Variants in RERE observed in about 807,000 individuals in gnomAD.
RERE encodes arginine-glutamic acid dipeptide repeats.
A neutral mutation model predicts 146.1 loss-of-function variants in RERE; 40 were observed. The observed-to-expected ratio is 0.27, with a 90% CI of 0.21 to 0.36. The LOEUF is 0.36. Ranked by LOEUF, RERE falls within the 10% of genes least tolerant of loss-of-function variation. RERE has a pLI of 1.00. For synonymous variants in RERE, 1,003 were observed against 866.0 expected, an observed-to-expected ratio of 1.16 and a Z score of -2.78; for missense variants, 1,933 against 2,138.7, an observed-to-expected ratio of 0.90 and a Z score of 1.90.
intron 1 of RERE, among the ~76,000 whole-genome samples, chr1:8,754,252 TACTG>T (rs1289989741): frequency 6.6e-6 from 1 of 151,734 alleles, no homozygotes. Flanking sequence ...GCATCGACAG[TACTG>T]ACTGAATATT....
chr1:8,495,053 A>G lies in RERE; in HGVS notation c.1104+10T>C, dbSNP rs763397971. The G allele has an allele frequency of 1.9e-6, 3 of 1,602,036 alleles. No individual in the cohort carries two copies. The highest frequency in any genetic ancestry group is 1.3e-5 in the African/African-American group (1 of 74,794). On this transcript the variant is annotated intron_variant, in intron 10 of 22. Coordinates refer to ENST00000400908, the MANE Select transcript of RERE (RefSeq NM_001042681.2). ...TGTCTTCCCACTCAGGGTGACTTCA[A>G]AAGACTTACTGTGTTCAGTGCATTC...
chr1:8,359,795 C>A lies in RERE; in HGVS notation c.3587G>T (p.Arg1196Leu), dbSNP rs1408948503. The part of the protein sequence containing the change: ...KEKEKERERE[R>L]EREREAERAA... ...CCGCTCTGCCTCGCGCTCCCGCTCT[C>A]GCTCCCGCTCCCGCTCCTTCTCCTT... The change falls in exon 19 of 23, where the codon CGA becomes CTA. Residue 1196 changes from arginine (R) to leucine (L), a missense_variant. Coordinates refer to ENST00000400908, the MANE Select transcript of RERE (RefSeq NM_001042681.2). 1 of 1,599,284 alleles carries A rather than the reference C, an allele frequency of 6.3e-7. No homozygotes were observed. The highest frequency in any genetic ancestry group is 8.5e-7 in the Non-Finnish European group (1 of 1,176,944).
chr1:8,392,565 A>G (rs1642918249), intron 12 of RERE, among the ~76,000 whole-genome samples: 1 of 152,074 alleles, frequency 6.6e-6, no homozygotes. Flanking sequence ...ATAAACACCC[A>G]CTTTGAACAC....
intron 1 of RERE, among the ~76,000 whole-genome samples, chr1:8,697,826 AT>A (rs1357112380): frequency 6.6e-6 from 1 of 152,180 alleles, no homozygotes; most frequent in East Asian, 1.9e-4. Context: ...AAGACTTAAA[AT>A]TTTGAGTCCT....
chr1:8,404,709 C>T (rs1353926806), intron 12 of RERE, among the ~76,000 whole-genome samples: 1 of 152,178 alleles, frequency 6.6e-6, no homozygotes, highest in African/African-American at 2.4e-5. Context: ...CAATCAAAAA[C>T]CATAGTAAAA....
intron 1 of RERE, among the ~76,000 whole-genome samples, chr1:8,781,454 G>A (rs1036342865): frequency 1.3e-5 from 2 of 151,824 alleles, no homozygotes; most frequent in Non-Finnish European, 2.9e-5. Flanking sequence ...AGCCTGGGAA[G>A]TCAAGGCTGC....
chr1:8,469,363 A>G (rs1461940478), intron 10 of RERE, among the ~76,000 whole-genome samples: 4 of 152,230 alleles, frequency 2.6e-5, no homozygotes, highest in Admixed American at 1.3e-4. Context: ...TCACGCCTGT[A>G]ATCCCAGCAC....
intron 4 of RERE, among the ~76,000 whole-genome samples, chr1:8,607,716 C>T (rs567648219): frequency 2.3e-5 from 3 of 129,492 alleles, no homozygotes; most frequent in South Asian, 2.4e-4. Context: ...CACACAACAC[C>T]ATATCTGGCT....
chr1:8,531,195 A>G (rs1645648349), intron 7 of RERE, among the ~76,000 whole-genome samples: 1 of 152,096 alleles, frequency 6.6e-6, no homozygotes, highest in Non-Finnish European at 1.5e-5. Flanking sequence ...GGGCTCACAA[A>G]TATAATGAGA....
chr1:8,477,402 G>A (rs1274002299), intron 10 of RERE, among the ~76,000 whole-genome samples: 1 of 152,196 alleles, frequency 6.6e-6, no homozygotes, highest in African/African-American at 2.4e-5. Context: ...TTTGTCAGCT[G>A]AGAAAGACCT....
intron 4 of RERE, among the ~76,000 whole-genome samples, chr1:8,610,514 G>A (rs769042015): frequency 2.0e-5 from 3 of 152,102 alleles, no homozygotes; most frequent in South Asian, 2.1e-4. Context: ...GCTTGAACCC[G>A]GGAGGCAGAG....
chr1:8,636,160 G>A (rs947988637), intron 2 of RERE, among the ~76,000 whole-genome samples: 2 of 152,098 alleles, frequency 1.3e-5, no homozygotes, highest in African/African-American at 2.4e-5. Flanking sequence ...GGCTAATTTT[G>A]TATTTTTAGT....
chr1:8,783,571 G>A (rs1016720452), intron 1 of RERE, among the ~76,000 whole-genome samples: 1 of 152,160 alleles, frequency 6.6e-6, no homozygotes, highest in Non-Finnish European at 1.5e-5. Context: ...ATGGGAGGCC[G>A]AAGTGGGAGG....
Position 8,364,182 on chromosome 1 carries a change from T to C in RERE, c.1614A>G (p.Lys538=), listed in dbSNP as rs1181099769. ...TCTCAATGGGCGGGAGCTCACCGTATTTCTTGAAGTGGATGCGACAGTCGG... is the reference window on the plus strand; with the variant it reads ...TCTCAATGGGCGGGAGCTCACCGTACTTCTTGAAGTGGATGCGACAGTCGG... The part of the protein sequence containing the change: ...LCTDCRIHFK[K]YGELPPIEKP... Residue 538 remains lysine (K), a synonymous_variant, in exon 15 of 23, where the codon AAA becomes AAG. Coordinates refer to ENST00000400908, the MANE Select transcript of RERE (RefSeq NM_001042681.2). The surrounding 1 kb of genome is among the most constrained non-coding windows in gnomAD (Gnocchi z 5.1). The C allele has an allele frequency of 8.7e-6, 14 of 1,614,032 alleles. No individual in the cohort carries two copies. Among genetic ancestry groups the C allele is most frequent in the Non-Finnish European group, 1.1e-5 (13 of 1,180,012 alleles).
intron 18 of RERE, 36 bp from the exon 19 acceptor site, chr1:8,360,022 C>T (rs760943884): frequency 5.8e-5 from 93 of 1,606,964 alleles, no homozygotes; most frequent in Middle Eastern, 1.6e-4. Flanking sequence ...GGAGCTCCTG[C>T]CGAGACCCAC....
At chr1:8,395,024 GGCCAAACA>G (rs1643006957) in intron 12 of RERE, among the ~76,000 whole-genome samples, 1 of 152,036 alleles carries the variant, frequency 6.6e-6, no homozygotes, top group Non-Finnish European at 1.5e-5. Flanking sequence ...ATATTTTAAG[GGCCAAACA>G]GCCCAAAGGC....
chr1:8,720,199 G>T (rs1410527532), intron 1 of RERE, among the ~76,000 whole-genome samples: 1 of 151,742 alleles, frequency 6.6e-6, no homozygotes, highest in African/African-American at 2.4e-5. Context: ...CTTGAACCCA[G>T]GAGGCAGAGG....
chr1:8,360,121 T>C lies in RERE; in HGVS notation c.3386A>G (p.Gln1129Arg). 1 of 1,577,860 alleles carries C rather than the reference T, an allele frequency of 6.3e-7. No homozygotes were observed. The highest frequency in any genetic ancestry group is 2.3e-5 in the East Asian group (1 of 44,152). ...TVVDTPSHAS[Q>R]SARFYKHLDR... ...GCCCTAGGAAGCGTACCTAGCTGAC[T>C]GGCTGGCGTGACTGGGGGTGTCCAC... The change falls in exon 18 of 23, where the codon CAG (glutamine) becomes CGG (arginine). Residue 1129 changes from glutamine to arginine, a missense_variant. This residue lies in a region of RERE where 1,255 missense variants were observed against 1,153.8 expected (regional missense o/e 1.09). Coordinates refer to ENST00000400908, the MANE Select transcript of RERE (RefSeq NM_001042681.2).
At chr1:8,657,321 AAG>A (rs1491528858) in intron 1 of RERE, among the ~76,000 whole-genome samples, 19,931 of 135,948 alleles carry the variant, frequency 0.15, 2,022 homozygotes, top group Middle Eastern at 0.25. Context: ...AAAAAAAAAA[AAG>A]AAGAAGAAAA....
Sources: allele counts gnomAD v4.1 joint callset (sites outside exome capture counted in the v4.1 genomes callset), GRCh38; gene constraint gnomAD v4.1.1; regional missense constraint gnomAD v4.1.1; non-coding constraint Gnocchi (gnomAD v3.1); transcripts MANE v1.5; gene names NCBI Gene and HGNC (gene_info 2026-07-23, HGNC 2026-07-21).